The following GRM5 variants were observed in gnomAD, a reference collection of about 807,000 sequenced individuals.
GRM5 encodes the protein metabotropic glutamate receptor 5.
GRM5 carries 19 observed loss-of-function variants against 83.1 expected under a neutral mutation model. The ratio of observed to expected loss-of-function variants is 0.23; its 90% CI spans 0.16 to 0.34. The LOEUF (loss-of-function observed/expected upper bound fraction) is 0.34. Among genes scored for constraint, GRM5 ranks in the 10% least tolerant of loss-of-function variants. The probability of loss-of-function intolerance (pLI) is 1.00; values close to 1 mark genes in which losing one functional copy is unlikely to be tolerated. For synonymous variants in GRM5, 675 were observed against 633.6 expected (o/e 1.07, Z -0.98); for missense variants, 1,160 against 1,588.3 (o/e 0.73, Z 4.58).
At chr11:88,774,914 GT>G (rs1374954557) in intron 3 of GRM5, among the ~76,000 whole-genome samples, 1 of 152,148 alleles carries the variant, frequency 6.6e-6, no homozygotes, top group Non-Finnish European at 1.5e-5. Flanking sequence ...CTCTTTTGTT[GT>G]TGTGTCTCTG....
chr11:88,924,146 AT>A lies in GRM5; in HGVS notation c.662-73992del, dbSNP rs1406268077. On this transcript the variant is annotated intron_variant, in intron 2 of 9. Coordinates refer to ENST00000305447, the MANE Select transcript of GRM5 (RefSeq NM_001143831.3). Reference sequence around the variant, plus strand: ...GTATAGCTATAATCAAAAAAAAAAAATAAGAAATAATCATTGTTAGCCAGGG... The same window carrying A: ...GTATAGCTATAATCAAAAAAAAAAAAAAGAAATAATCATTGTTAGCCAGGG... 1.3e-4 allele frequency among the ~76,000 whole-genome samples: 19 copies of A among 148,484 alleles called. No individual in the cohort carries two copies. The East Asian group carries it at 2.4e-3, about 19-fold the overall frequency.
chr11:88,985,599 A>C (rs1005895752), intron 2 of GRM5, among the ~76,000 whole-genome samples: 12 of 152,198 alleles, frequency 7.9e-5, no homozygotes, highest in African/African-American at 2.7e-4. Flanking sequence ...CAAGAACACC[A>C]AATGTTTCAC....
intron 3 of GRM5, among the ~76,000 whole-genome samples, chr11:88,710,996 A>G (rs1941268674): frequency 1.3e-5 from 2 of 152,082 alleles, no homozygotes; most frequent in African/African-American, 4.8e-5. Context: ...CTCAGGTTAA[A>G]ACAATTTAGG....
chr11:88,755,794 T>C (rs1280662841), intron 3 of GRM5, among the ~76,000 whole-genome samples: 1 of 152,154 alleles, frequency 6.6e-6, no homozygotes, highest in Non-Finnish European at 1.5e-5. Context: ...ATATTGAATC[T>C]GGCACTTTTA....
chr11:88,994,566 T>C (rs1940112900), intron 2 of GRM5, among the ~76,000 whole-genome samples: 1 of 137,806 alleles, frequency 7.3e-6, no homozygotes, highest in African/African-American at 2.8e-5. Context: ...ACAGCAGAGT[T>C]AGCCATGGTC....
intron 8 of GRM5, among the ~76,000 whole-genome samples, chr11:88,530,745 A>G (rs192791333): frequency 1.1e-4 from 17 of 152,222 alleles, no homozygotes; most frequent in Admixed American, 2.0e-4. Context: ...CTAGAAGAAA[A>G]TAAACAAGTT....
chr11:88,887,104 T>C (rs745523121), intron 2 of GRM5, among the ~76,000 whole-genome samples: 2 of 152,160 alleles, frequency 1.3e-5, no homozygotes, highest in Non-Finnish European at 2.9e-5. Flanking sequence ...ACACCATGCT[T>C]TATGCTGCTT....
intron 3 of GRM5, among the ~76,000 whole-genome samples, chr11:88,824,380 T>C (rs1943856965): frequency 6.6e-6 from 1 of 152,140 alleles, no homozygotes; most frequent in Non-Finnish European, 1.5e-5. Flanking sequence ...GGAATCGCTA[T>C]ATGAATTGCT....
chr11:88,916,455 A>T (rs555987669), intron 2 of GRM5, among the ~76,000 whole-genome samples: 1 of 152,218 alleles, frequency 6.6e-6, no homozygotes, highest in Non-Finnish European at 1.5e-5. Context: ...GCCTCCAAGG[A>T]GGAAGGATTT....
Position 88,735,120 on chromosome 11 carries a change from A to AATC in GRM5, c.912-81720_912-81718dup, listed in dbSNP as rs1454739524. Among the ~76,000 whole-genome samples the AATC allele has an allele frequency of 2.0e-5, 3 of 152,070 alleles. No homozygotes were observed. In the East Asian group the frequency reaches 5.8e-4, roughly 29 times the overall value. On this transcript the variant is annotated intron_variant, in intron 3 of 9. Transcript: ENST00000305447. ...CACTTGAGTTATTCATTCTTAATAA[A>AATC]ATCATCTTATATAACTCGAAGAAAT... is the stretch of plus-strand genomic sequence containing the variant.
chr11:88,946,460 C>T (rs1252272794), intron 2 of GRM5, among the ~76,000 whole-genome samples: 1 of 152,050 alleles, frequency 6.6e-6, no homozygotes, highest in Admixed American at 6.6e-5. Flanking sequence ...ACTATTCACA[C>T]TAGCAAAGAT....
intron 3 of GRM5, among the ~76,000 whole-genome samples, chr11:88,843,873 G>GA (rs1944251509): frequency 1.3e-5 from 2 of 152,190 alleles, no homozygotes; most frequent in African/African-American, 4.8e-5. Flanking sequence ...TCAAGAGCAA[G>GA]ATCTTAACTC....
intron 3 of GRM5, among the ~76,000 whole-genome samples, chr11:88,786,058 C>G (rs1021999383): frequency 6.6e-5 from 10 of 151,998 alleles, no homozygotes; most frequent in African/African-American, 2.2e-4. Context: ...ACTCATGTGT[C>G]CAAGAGATAT....
chr11:88,508,507 C>G lies in GRM5; in HGVS notation c.*85G>C. ...TGGCATCTTCCCCCTGGGCCGTAACCAGGCGACTATGCTTGCCATTGTGTG... is the reference window on the plus strand; with the variant it reads ...TGGCATCTTCCCCCTGGGCCGTAACGAGGCGACTATGCTTGCCATTGTGTG... On this transcript the variant is annotated 3_prime_UTR_variant, in exon 10 of 10. Transcript: ENST00000305447. This position sits in a 1 kb window ranked among gnomAD's most constrained non-coding sequence, Gnocchi z 4.2. The G allele has an allele frequency of 8.8e-7, 1 of 1,131,864 alleles. No homozygotes were observed. Among genetic ancestry groups the G allele is most frequent in the South Asian group, 1.4e-5 (1 of 70,176 alleles). 70.1% of individuals were successfully genotyped at this position (1,131,864 alleles called of 1,614,324 possible). A position where few individuals can be genotyped will look rare whatever the true frequency, so the allele number is the denominator to read the frequency against.
At chr11:89,023,140 AGTGT>A (rs61343398) in intron 2 of GRM5, among the ~76,000 whole-genome samples, 4,642 of 146,806 alleles carry the variant, frequency 0.032, 170 homozygotes, top group African/African-American at 0.095. Flanking sequence ...ATATGCAAAG[AGTGT>A]GTGTGTGTGT....
intron 2 of GRM5, among the ~76,000 whole-genome samples, chr11:88,880,683 G>A (rs528269761): frequency 6.6e-6 from 1 of 152,226 alleles, no homozygotes; most frequent in South Asian, 2.1e-4. Flanking sequence ...GACAAGACAT[G>A]TGGCTTCAAA....
At chr11:88,945,943 A>G (rs2135672058) in intron 2 of GRM5, among the ~76,000 whole-genome samples, 1 of 152,240 alleles carries the variant, frequency 6.6e-6, no homozygotes, top group South Asian at 2.1e-4. Flanking sequence ...AACCAAGTAA[A>G]CAGACAGCCT....
In GRM5 at chr11:88,509,309, C is replaced by T. The variant is rs765558790; in HGVS notation, c.2922G>A (p.Val974=). The T allele has an allele frequency of 7.0e-6, 11 of 1,567,872 alleles. 1 individual carries two copies. The highest frequency in any genetic ancestry group is 3.5e-5 in the South Asian group (3 of 86,052). ...CGCAGCCCGCACCGCCCGTGGCCCC[C>T]ACGCCCCCAGCGCTCCCGCCTGCGC... ...GAGAGGSAGG[V]GATGGAGCAG... is the part of the protein sequence containing the mutation. The change falls in exon 10 of 10, where the codon GTG becomes GTA. Residue 974 remains valine (V), a synonymous_variant. Coordinates refer to ENST00000305447, the MANE Select transcript of GRM5 (RefSeq NM_001143831.3).
intron 8 of GRM5, among the ~76,000 whole-genome samples, chr11:88,540,864 A>T (rs570167090): frequency 8.7e-4 from 132 of 152,010 alleles, no homozygotes; most frequent in Admixed American, 1.6e-3. Context: ...CTCCTGCCTC[A>T]GCCTCCTGAG....
Sources: allele counts gnomAD v4.1 joint callset (sites outside exome capture counted in the v4.1 genomes callset), GRCh38; gene constraint gnomAD v4.1.1; non-coding constraint Gnocchi (gnomAD v3.1); transcripts MANE v1.5; gene names NCBI Gene and HGNC (gene_info 2026-07-23, HGNC 2026-07-21).